The following DBX2 variants were observed in gnomAD, a reference collection of about 807,000 sequenced individuals.
DBX2 encodes developing brain homeobox 2.
A neutral mutation model predicts 17.7 loss-of-function variants in DBX2; 16 were observed. That is an observed-to-expected ratio of 0.90 (90% CI 0.61 to 1.37). DBX2 has a LOEUF of 1.37. DBX2 is among the 40% of genes most tolerant of loss of function. The probability of loss-of-function intolerance (pLI) is 0.00; values close to 1 mark genes in which losing one functional copy is unlikely to be tolerated. For synonymous variants in DBX2, 255 were observed against 183.8 expected, an observed-to-expected ratio of 1.39 and a Z score of -3.13; for missense variants, 538 against 433.8, an observed-to-expected ratio of 1.24 and a Z score of -2.13.
At chr12:45,044,786 A>G (rs911290035) in intron 1 of DBX2, among the ~76,000 whole-genome samples, 1 of 152,128 alleles carries the variant, frequency 6.6e-6, no homozygotes, top group Non-Finnish European at 1.5e-5. Flanking sequence ...CCCCTGACAT[A>G]TTCTCAACTA....
intron 2 of DBX2, among the ~76,000 whole-genome samples, chr12:45,025,168 G>A (rs755709747): frequency 3.3e-5 from 5 of 152,322 alleles, no homozygotes; most frequent in South Asian, 2.1e-4. Context: ...GATGAAGAGC[G>A]TATCTTGTAT....
At chr12:45,045,019 G>A (rs1380629784) in intron 1 of DBX2, among the ~76,000 whole-genome samples, 3 of 151,930 alleles carry the variant, frequency 2.0e-5, no homozygotes, top group Non-Finnish European at 4.4e-5. Flanking sequence ...ATATGTTAAG[G>A]CAAAAATCCA....
chr12:45,048,734 T>C (rs1946513429), intron 1 of DBX2, among the ~76,000 whole-genome samples: 1 of 152,220 alleles, frequency 6.6e-6, no homozygotes, highest in South Asian at 2.1e-4. Flanking sequence ...AAACTAATGT[T>C]TTCTTTACAA....
chr12:45,017,630 G>C (rs1171082343), intron 3 of DBX2, among the ~76,000 whole-genome samples: 1 of 152,144 alleles, frequency 6.6e-6, no homozygotes, highest in Non-Finnish European at 1.5e-5. Flanking sequence ...ACAACTAATT[G>C]TAATTAAGCC....
At chr12:45,048,195 A>T (rs1402127894) in intron 1 of DBX2, among the ~76,000 whole-genome samples, 2 of 152,200 alleles carry the variant, frequency 1.3e-5, no homozygotes, top group African/African-American at 4.8e-5. Context: ...ACGGTGCTAT[A>T]TTTCACCAAT....
At chr12:45,031,117 A>T (rs1303738386) in intron 2 of DBX2, among the ~76,000 whole-genome samples, 1 of 151,422 alleles carries the variant, frequency 6.6e-6, no homozygotes, top group Non-Finnish European at 1.5e-5. Context: ...TATTCCTCAC[A>T]GTTGCAACTT....
At chr12:45,044,762 C>G (rs536390527) in intron 1 of DBX2, among the ~76,000 whole-genome samples, 12 of 151,980 alleles carry the variant, frequency 7.9e-5, no homozygotes, top group Admixed American at 5.2e-4. Flanking sequence ...GTTCACATAC[C>G]TCACAAAAGT....
intron 1 of DBX2, among the ~76,000 whole-genome samples, chr12:45,046,524 C>A (rs964522795): frequency 6.6e-6 from 1 of 152,118 alleles, no homozygotes; most frequent in East Asian, 1.9e-4. Flanking sequence ...AGCTCAAATT[C>A]GGACTTAAAA....
At chr12:45,048,315 C>G (rs1565587865) in intron 1 of DBX2, among the ~76,000 whole-genome samples, 1 of 152,122 alleles carries the variant, frequency 6.6e-6, no homozygotes, top group Non-Finnish European at 1.5e-5. Flanking sequence ...TTACTAAAAT[C>G]AGATTTTGTG....
At chr12:45,045,211 G>T (rs1020303686) in intron 1 of DBX2, among the ~76,000 whole-genome samples, 1 of 152,112 alleles carries the variant, frequency 6.6e-6, no homozygotes, top group African/African-American at 2.4e-5. Context: ...TAAAAGTTGT[G>T]TCCTTTCATT....
At chr12:45,036,935 T>C (rs569024192) in intron 1 of DBX2, among the ~76,000 whole-genome samples, 1 of 152,320 alleles carries the variant, frequency 6.6e-6, no homozygotes, top group Non-Finnish European at 1.5e-5. Context: ...AAATAATCTA[T>C]TCATAAAGTT....
chr12:45,048,357 G>C (rs1422513012), intron 1 of DBX2, among the ~76,000 whole-genome samples: 1 of 152,172 alleles, frequency 6.6e-6, no homozygotes, highest in Non-Finnish European at 1.5e-5. Flanking sequence ...TAAAGGATCA[G>C]AACTGGTTGT....
chr12:45,040,726 C>T (rs1946466594), intron 1 of DBX2, among the ~76,000 whole-genome samples: 1 of 151,982 alleles, frequency 6.6e-6, no homozygotes, highest in South Asian at 2.1e-4. Flanking sequence ...TATCCCATAG[C>T]CAAGCAAGGT....
At chr12:45,047,502 T>C (rs1946506479) in intron 1 of DBX2, among the ~76,000 whole-genome samples, 1 of 152,134 alleles carries the variant, frequency 6.6e-6, no homozygotes, top group South Asian at 2.1e-4. Flanking sequence ...GTGGCTTTTC[T>C]TGCTGTAAAT....
rs1398101056 is a variant in DBX2, at chr12:45,015,300, AT to A, written c.*985del. The A allele has an allele frequency of 6.6e-6, 1 of 152,226 alleles. No individual in the cohort carries two copies. The highest frequency in any genetic ancestry group is 1.9e-4 in the East Asian group (1 of 5,196). 9.4% of individuals were successfully genotyped at this position (152,226 alleles called of 1,614,324 possible). A position where few individuals can be genotyped will look rare whatever the true frequency, so the allele number is the denominator to read the frequency against. Reference sequence around the variant, plus strand: ...CTAACTAGAAGCGCAAACAGAAATCATCATTGATTCTGTTAGTATTGTGGTT... The same window carrying A: ...CTAACTAGAAGCGCAAACAGAAATCACATTGATTCTGTTAGTATTGTGGTT... On this transcript the variant is annotated 3_prime_UTR_variant, in exon 4 of 4. Transcript: ENST00000332700.
At chr12:45,020,929 T>C (rs566245912) in intron 3 of DBX2, among the ~76,000 whole-genome samples, 3 of 152,104 alleles carry the variant, frequency 2.0e-5, no homozygotes, top group Admixed American at 1.3e-4. Context: ...ATGACAGAAG[T>C]AACCAAGGAA....
chr12:45,035,988 G>C (rs756342390), intron 2 of DBX2, 31 bp downstream of exon 2: 54 of 1,590,028 alleles, frequency 3.4e-5, no homozygotes, highest in Non-Finnish European at 4.4e-5. Context: ...CAGAATAACT[G>C]AGGCATTGCT....
At chr12:45,017,699 GGTTAGTCTTTATTACAAA>G (rs1946330895) in intron 3 of DBX2, among the ~76,000 whole-genome samples, 1 of 152,118 alleles carries the variant, frequency 6.6e-6, no homozygotes, top group African/African-American at 2.4e-5. Flanking sequence ...ACCCAAAAGA[GGTTAGTCTTTATTACAAA>G]CCTCCCTCTT....
At chr12:45,017,874 T>C (rs968361065) in intron 3 of DBX2, among the ~76,000 whole-genome samples, 2 of 152,192 alleles carry the variant, frequency 1.3e-5, no homozygotes, top group Non-Finnish European at 2.9e-5. Flanking sequence ...AAACAAAAAC[T>C]AGAAAATTTT....
Sources: allele counts gnomAD v4.1 joint callset (sites outside exome capture counted in the v4.1 genomes callset), GRCh38; gene constraint gnomAD v4.1.1; transcripts MANE v1.5; gene names NCBI Gene and HGNC (gene_info 2026-07-23, HGNC 2026-07-21).